DISP1: variants seen among roughly 807,000 people sequenced by gnomAD.
DISP1 encodes dispatched RND transporter family member 1.
Under a neutral mutation model 37.3 loss-of-function variants are expected in DISP1, and 30 were observed. The observed-to-expected ratio is 0.80, with a 90% CI of 0.60 to 1.09. DISP1 has a LOEUF of 1.09. DISP1 is among the 50% of genes least tolerant of loss of function. The pLI is 0.00. For synonymous variants in DISP1, 634 were observed against 690.2 expected, an observed-to-expected ratio of 0.92 and a Z score of 1.28; for missense variants, 1,598 against 1,879.5, an observed-to-expected ratio of 0.85 and a Z score of 2.77.
chr1:222,882,139 C>A (rs1381170555), intron 1 of DISP1, among the ~76,000 whole-genome samples: 6 of 152,080 alleles, frequency 3.9e-5, no homozygotes, highest in Admixed American at 1.3e-4. Context: ...TACCTGATTT[C>A]AATATGAAAT....
At chr1:222,933,811 A>G (rs569372058) in intron 2 of DISP1, among the ~76,000 whole-genome samples, 7 of 152,004 alleles carry the variant, frequency 4.6e-5, no homozygotes, top group Non-Finnish European at 8.8e-5. Context: ...GAAGAAGATT[A>G]TATTTCTTTA....
chr1:222,855,540 A>G (rs1009558403), intron 1 of DISP1, among the ~76,000 whole-genome samples: 2 of 152,182 alleles, frequency 1.3e-5, no homozygotes, highest in African/African-American at 4.8e-5. Flanking sequence ...GTTATTATAT[A>G]CTAGCAGATA....
intron 3 of DISP1, among the ~76,000 whole-genome samples, chr1:222,952,956 A>G (rs1224360533): frequency 6.6e-6 from 1 of 152,360 alleles, no homozygotes; most frequent in East Asian, 1.9e-4. Flanking sequence ...AGAGGCCGCA[A>G]TTACATTCCA....
intron 1 of DISP1, among the ~76,000 whole-genome samples, chr1:222,853,594 A>G (rs989039043): frequency 3.3e-5 from 5 of 152,216 alleles, no homozygotes; most frequent in Non-Finnish European, 7.3e-5. Context: ...TCACAGCAAC[A>G]TGGATGGAGC....
intron 1 of DISP1, chr1:222,837,063 C>T (rs1468626793): frequency 5.0e-6 from 2 of 398,378 alleles, no homozygotes; most frequent in Admixed American, 8.8e-5. Context: ...ACTGTATTTC[C>T]CAGGTAGATG....
intron 7 of DISP1, among the ~76,000 whole-genome samples, chr1:222,993,731 C>A (rs941588717): frequency 6.6e-6 from 1 of 152,156 alleles, no homozygotes; most frequent in African/African-American, 2.4e-5. Flanking sequence ...TATTGCTTAA[C>A]CAACATCTGT....
intron 3 of DISP1, among the ~76,000 whole-genome samples, chr1:222,978,401 A>T (rs1031524797): frequency 1.3e-5 from 2 of 151,998 alleles, no homozygotes; most frequent in Non-Finnish European, 1.5e-5. Context: ...GTTTGAGTTC[A>T]TTGTAGATTC....
chr1:222,998,041 C>G (rs151125337), intron 8 of DISP1, among the ~76,000 whole-genome samples: 5 of 152,122 alleles, frequency 3.3e-5, no homozygotes, highest in South Asian at 2.1e-4. Flanking sequence ...CTCTATGAAC[C>G]TGGAATAATA....
chr1:222,834,685 A>AT (rs1328406164), intron 1 of DISP1, among the ~76,000 whole-genome samples: 3 of 152,116 alleles, frequency 2.0e-5, no homozygotes, highest in Non-Finnish European at 4.4e-5. Flanking sequence ...AGATAAGATT[A>AT]TTTTTTCAGA....
rs562330960 is a variant in DISP1, at chr1:222,948,405, G to A, written c.509+5073G>A. The stretch of plus-strand genomic sequence containing the variant: ...ATCCACAGAAGCAAATGTGCTCTTC[G>A]ATAGAGCTGCTATCTATGTATGGGA... On this transcript the variant is annotated intron_variant, in intron 3 of 8. Coordinates refer to ENST00000675850, the MANE Select transcript of DISP1 (RefSeq NM_001377229.1). Among the ~76,000 whole-genome samples, 228 of 152,318 alleles carry A rather than the reference G, an allele frequency of 1.5e-3. 2 individuals are homozygous for A. Among genetic ancestry groups the A allele is most frequent in the Non-Finnish European group, 2.7e-3 (185 of 68,034 alleles).
chr1:222,818,413 G>C (rs2125119192), intron 1 of DISP1, among the ~76,000 whole-genome samples: 1 of 152,302 alleles, frequency 6.6e-6, no homozygotes, highest in South Asian at 2.1e-4. Flanking sequence ...CCCACCTCTT[G>C]TGTGAATGAC....
intron 1 of DISP1, 98 bp from the exon 2 acceptor site, chr1:222,928,332 A>T (rs1228747920): frequency 6.6e-6 from 1 of 152,204 alleles, no homozygotes; most frequent in African/African-American, 2.4e-5. Context: ...GGGGTTAAGT[A>T]GGAGAAAAAC....
chr1:222,843,456 T>A (rs1488705618), intron 1 of DISP1, among the ~76,000 whole-genome samples: 1 of 151,924 alleles, frequency 6.6e-6, no homozygotes, highest in African/African-American at 2.4e-5. Flanking sequence ...TTCAAATTTC[T>A]AGTATGGTAT....
intron 2 of DISP1, among the ~76,000 whole-genome samples, 156 bp from the exon 3 acceptor site, chr1:222,942,651 T>G (rs1409372625): frequency 6.6e-6 from 1 of 152,166 alleles, no homozygotes; most frequent in Non-Finnish European, 1.5e-5. Context: ...CTGTGTTGGC[T>G]GGTTCCATCA....
At chr1:222,888,523 C>T (rs903958508) in intron 1 of DISP1, among the ~76,000 whole-genome samples, 14 of 151,660 alleles carry the variant, frequency 9.2e-5, no homozygotes, top group African/African-American at 1.9e-4. Flanking sequence ...AAAGGAATGC[C>T]GAGGGTGGGG....
At chr1:222,894,479 G>T (rs1005828786) in intron 1 of DISP1, among the ~76,000 whole-genome samples, 8 of 152,204 alleles carry the variant, frequency 5.3e-5, no homozygotes, top group Non-Finnish European at 1.2e-4. Flanking sequence ...GCACACACCC[G>T]CCCGGGTTGC....
At chr1:222,976,399 G>C (rs1677332762) in intron 3 of DISP1, among the ~76,000 whole-genome samples, 1 of 152,084 alleles carries the variant, frequency 6.6e-6, no homozygotes, top group Non-Finnish European at 1.5e-5. Flanking sequence ...TGCAAAAGCA[G>C]AATTAAAGAA....
At chr1:222,941,932 T>C (rs988636186) in intron 2 of DISP1, among the ~76,000 whole-genome samples, 3 of 151,084 alleles carry the variant, frequency 2.0e-5, no homozygotes, top group Admixed American at 2.0e-4. Context: ...TTTTTTTTAC[T>C]GTGAATTCCC....
intron 8 of DISP1, among the ~76,000 whole-genome samples, chr1:223,001,311 T>C (rs1346066580): frequency 6.6e-6 from 1 of 152,216 alleles, no homozygotes; most frequent in Non-Finnish European, 1.5e-5. Context: ...CCAATTTGAA[T>C]AAACTTTATG....
Sources: gnomAD v4.1 joint callset for allele counts (sites outside exome capture counted in the v4.1 genomes callset) on GRCh38, gnomAD v4.1.1 for gene constraint, MANE v1.5 for transcripts, NCBI Gene and HGNC (gene_info 2026-07-23, HGNC 2026-07-21) for gene names.